The following UNC13C variants were observed in gnomAD, a reference collection of about 807,000 sequenced individuals.
The protein encoded by UNC13C is unc-13 homolog C.
A neutral mutation model predicts 245.4 loss-of-function variants in UNC13C; 174 were observed. That is an observed-to-expected ratio of 0.71 (90% CI 0.63 to 0.80). The LOEUF (loss-of-function observed/expected upper bound fraction) is 0.80. UNC13C is among the 30% of genes least tolerant of loss of function. The pLI is 0.00. For synonymous variants in UNC13C, 992 were observed against 895.1 expected (o/e 1.11, Z -1.93); for missense variants, 2,829 against 2,602.9 (o/e 1.09, Z -1.89).
intron 8 of UNC13C, among the ~76,000 whole-genome samples, chr15:54,260,261 C>CACATT (rs1489715019): frequency 6.6e-6 from 1 of 151,984 alleles, no homozygotes; most frequent in Non-Finnish European, 1.5e-5. Flanking sequence ...ATATTTACAC[C>CACATT]ACAGAAATCT....
Position 54,244,635 on chromosome 15 carries a change from C to T in UNC13C, c.3229-5590C>T, listed in dbSNP as rs1237674280. 2.6e-5 allele frequency among the ~76,000 whole-genome samples: 4 copies of T among 152,284 alleles called. No individual in the cohort carries two copies. The East Asian group carries it at 7.7e-4, about 29-fold the overall frequency. Reference sequence around the variant, plus strand: ...ATGTTTTTTGATTTGTTTGTTTCCTCTCTAATTTCCTTGAGCAGTAGTTTG... The same window carrying T: ...ATGTTTTTTGATTTGTTTGTTTCCTTTCTAATTTCCTTGAGCAGTAGTTTG... On this transcript the variant is annotated intron_variant, in intron 7 of 32. Transcript: ENST00000260323.
At chr15:53,873,768 C>T in the UNC13C span, among the ~76,000 whole-genome samples, 1 of 638 alleles carries the variant, frequency 1.6e-3, no homozygotes, top group Non-Finnish European at 0.028. Flanking sequence ...TGGTCTTGAA[C>T]CCCCACGATC....
chr15:54,254,806 T>G (rs1596090916), intron 8 of UNC13C, among the ~76,000 whole-genome samples: 1 of 152,188 alleles, frequency 6.6e-6, no homozygotes, highest in Admixed American at 6.5e-5. Flanking sequence ...TACTGCATTT[T>G]ATTTTCAGTG....
chr15:54,028,961 T>C (rs980713578), intron 2 of UNC13C, among the ~76,000 whole-genome samples: 4 of 152,206 alleles, frequency 2.6e-5, no homozygotes, highest in African/African-American at 7.2e-5. Flanking sequence ...AACCAGTAAG[T>C]AATCAGTAGG....
At chr15:54,384,685 T>G (rs979275750) in intron 17 of UNC13C, among the ~76,000 whole-genome samples, 1 of 152,054 alleles carries the variant, frequency 6.6e-6, no homozygotes, top group African/African-American at 2.4e-5. Flanking sequence ...AGTTAAAAGC[T>G]TCTGCACAAC....
At chr15:54,060,618 G>GTA (rs764080827) in intron 2 of UNC13C, among the ~76,000 whole-genome samples, 5 of 149,970 alleles carry the variant, frequency 3.3e-5, no homozygotes, top group Admixed American at 2.0e-4. Context: ...CCATTACTGG[G>GTA]TATATACCCA....
intron 17 of UNC13C, among the ~76,000 whole-genome samples, chr15:54,357,173 TTAGAG>T (rs1194376221): frequency 6.6e-6 from 1 of 152,078 alleles, no homozygotes; most frequent in Non-Finnish European, 1.5e-5. Context: ...TCTAGAATTT[TTAGAG>T]TATTTTTAGG....
chr15:54,400,622 C>T (rs1219993715), intron 18 of UNC13C, among the ~76,000 whole-genome samples: 4 of 152,034 alleles, frequency 2.6e-5, no homozygotes, highest in African/African-American at 7.2e-5. Flanking sequence ...GTGATGTTAA[C>T]CTTGATTAGT....
intron 17 of UNC13C, among the ~76,000 whole-genome samples, chr15:54,351,605 A>G (rs1441085181): frequency 6.6e-6 from 1 of 152,140 alleles, no homozygotes; most frequent in African/African-American, 2.4e-5. Flanking sequence ...TGGTAAAACA[A>G]TACAGCAATT....
At chr15:54,271,017 C>T (rs1211947288) in intron 10 of UNC13C, among the ~76,000 whole-genome samples, 1 of 152,122 alleles carries the variant, frequency 6.6e-6, no homozygotes, top group African/African-American at 2.4e-5. Flanking sequence ...CCATTAATTG[C>T]ACTTTAATGC....
At chr15:54,502,128 G>A (rs1275156724) in intron 22 of UNC13C, among the ~76,000 whole-genome samples, 2 of 152,260 alleles carry the variant, frequency 1.3e-5, no homozygotes, top group Admixed American at 1.3e-4. Flanking sequence ...AATGATGACT[G>A]AGGTTTTAGG....
chr15:54,417,019 G>A (rs766373748), intron 19 of UNC13C: 17 of 455,286 alleles, frequency 3.7e-5, no homozygotes, highest in Non-Finnish European at 5.3e-5. Context: ...TTCCCTCACC[G>A]CATTATCTGT....
rs1895480814 is a variant in UNC13C at position 54,013,470 on chromosome 15, G to A, written c.567G>A (p.Lys189=). The A allele has an allele frequency of 6.2e-7, 1 of 1,613,750 alleles. No homozygotes were observed. Among genetic ancestry groups the A allele is most frequent in the Non-Finnish European group, 8.5e-7 (1 of 1,179,870 alleles). Residue 189 remains lysine (K), a synonymous_variant, in exon 2 of 33, where the codon AAG becomes AAA. Coordinates refer to ENST00000260323, the MANE Select transcript of UNC13C (RefSeq NM_001080534.3). Reference sequence around the variant, plus strand: ...TACGAAAACTGAGAAAATGGAAAAAGAGTCAAGAATGTGTCTCCTCAGACT... The same window carrying A: ...TACGAAAACTGAGAAAATGGAAAAAAAGTCAAGAATGTGTCTCCTCAGACT... ...GALRKLRKWK[K]SQECVSSDSE...
intron 2 of UNC13C, among the ~76,000 whole-genome samples, chr15:54,041,729 G>A (rs1314577392): frequency 3.9e-5 from 6 of 152,180 alleles, no homozygotes; most frequent in Admixed American, 2.0e-4. Context: ...ATTACCTCAT[G>A]GGGTTGTTGT....
chr15:54,231,025 C>T (rs1388718439), intron 4 of UNC13C, among the ~76,000 whole-genome samples: 1 of 151,906 alleles, frequency 6.6e-6, no homozygotes, highest in African/African-American at 2.4e-5. Flanking sequence ...GTTTTTTATC[C>T]TGTCTGTAAT....
chr15:54,106,248 A>G (rs1269444153), intron 2 of UNC13C, among the ~76,000 whole-genome samples: 2 of 152,230 alleles, frequency 1.3e-5, no homozygotes, highest in South Asian at 2.1e-4. Flanking sequence ...AGGAAATAAT[A>G]TATGTAGAAC....
chr15:54,219,135 T>C (rs992169329), intron 4 of UNC13C, among the ~76,000 whole-genome samples: 3 of 150,994 alleles, frequency 2.0e-5, no homozygotes, highest in African/African-American at 4.9e-5. Context: ...GAGACCGCAT[T>C]GCCAAGTCAA....
chr15:54,464,946 C>T (rs987800672), intron 19 of UNC13C, among the ~76,000 whole-genome samples: 5 of 151,508 alleles, frequency 3.3e-5, no homozygotes, highest in African/African-American at 1.2e-4. Context: ...CATTGTCTAG[C>T]CCCAATGATT....
In UNC13C at chr15:54,597,334, G is replaced by A. The variant is rs28514637; in HGVS notation, c.6107-24993G>A. ...CCAAGGGCAATAGCAGCGTGCCAGC[G>A]AAGAATCCTACCAGGTACGTTAGGA... On this transcript the variant is annotated intron_variant, in intron 30 of 32. Coordinates refer to ENST00000260323, the MANE Select transcript of UNC13C (RefSeq NM_001080534.3). 3.2e-3 allele frequency among the ~76,000 whole-genome samples: 487 copies of A among 152,302 alleles called. 1 individual carries two copies. Among genetic ancestry groups the A allele is most frequent in the African/African-American group, 0.011 (465 of 41,576 alleles).
Sources: allele counts gnomAD v4.1 joint callset (sites outside exome capture counted in the v4.1 genomes callset), GRCh38; gene constraint gnomAD v4.1.1; transcripts MANE v1.5; gene names NCBI Gene and HGNC (gene_info 2026-07-23, HGNC 2026-07-21).